RNASEL: variants seen among roughly 807,000 people sequenced by gnomAD.
RNASEL encodes 2-5A-dependent ribonuclease.
Under a neutral mutation model 50.9 loss-of-function variants are expected in RNASEL, and 36 were observed. That is an observed-to-expected ratio of 0.71 (90% CI 0.54 to 0.93). RNASEL has a LOEUF of 0.93. Ranked by LOEUF, RNASEL falls within the 40% of genes least tolerant of loss-of-function variation. RNASEL has a pLI of 0.00. For missense variants in RNASEL, 860 were observed against 894.5 expected (o/e 0.96, Z 0.49); for synonymous variants, 335 against 335.6 (o/e 1.00, Z 0.02).
In RNASEL at chr1:182,574,911, T is replaced by G. The variant is rs538205338; in HGVS notation, c.*481A>C. ...CTCATCTGGAAGAGCCCTGGAAGGA[T>G]AGTTAAGTTTTAAGGTGCCCAAATG... On this transcript the variant is annotated 3_prime_UTR_variant, in exon 7 of 7. Coordinates refer to ENST00000367559, the MANE Select transcript of RNASEL (RefSeq NM_021133.4). 3 of 249,714 alleles carry G rather than the reference T, an allele frequency of 1.2e-5. No homozygotes were observed. Among genetic ancestry groups the G allele is most frequent in the Non-Finnish European group, 2.3e-5 (3 of 128,256 alleles). The allele number at this position is 249,714 out of a possible 1,614,324, so 15.5% of individuals were successfully genotyped here.
chr1:182,586,926 G>A lies in RNASEL; in HGVS notation c.-120C>T. On this transcript the variant is annotated 5_prime_UTR_variant, in exon 2 of 7. Transcript: ENST00000367559. Reference sequence around the variant, plus strand: ...ATTGGGATTCTCTGGCAACAGAGCAGCAGTATGAAGAAGGAACAATGTTCT... The same window carrying A: ...ATTGGGATTCTCTGGCAACAGAGCAACAGTATGAAGAAGGAACAATGTTCT... The A allele has an allele frequency of 7.7e-7, 1 of 1,295,114 alleles. No homozygotes were observed. The allele number at this position is 1,295,114 out of a possible 1,614,324, so 80.2% of individuals were successfully genotyped here. A position where few individuals can be genotyped will look rare whatever the true frequency, so the allele number is the denominator to read the frequency against.
rs764456472 is a variant in RNASEL, at chr1:182,585,546, A to G, written c.1261T>C (p.Tyr421His). 1.2e-6 allele frequency: 2 copies of G among 1,614,198 alleles called. No individual in the cohort carries two copies. The highest frequency in any genetic ancestry group is 1.7e-6 in the Non-Finnish European group (2 of 1,180,032). ...SRENSHLVTFYGSESHRGHLF... is the reference protein window; with the variant it reads ...SRENSHLVTFHGSESHRGHLF... ...TGGCCCCTGTGGCTCTCACTCCCATAGAATGTCACCAAGTGACTGTTCTCT... is the reference window on the plus strand; with the variant it reads ...TGGCCCCTGTGGCTCTCACTCCCATGGAATGTCACCAAGTGACTGTTCTCT... Residue 421 changes from tyrosine (Y) to histidine (H), a missense_variant, in exon 2 of 7, where the codon TAT (tyrosine) becomes CAT (histidine). Tyr to His is a moderately conservative substitution (Grantham distance 83). Transcript: ENST00000367559.
At chr1:182,584,599 A>G (rs1661557282) in intron 2 of RNASEL, among the ~76,000 whole-genome samples, 1 of 152,142 alleles carries the variant, frequency 6.6e-6, no homozygotes, top group Non-Finnish European at 1.5e-5. Flanking sequence ...GATGTACCAA[A>G]TGACTTACTA....
chr1:182,583,361 A>G (rs1006157406), intron 3 of RNASEL, among the ~76,000 whole-genome samples: 4 of 152,234 alleles, frequency 2.6e-5, no homozygotes, highest in African/African-American at 7.2e-5. Context: ...GCCATGGCCT[A>G]CAGGGGAGTC....
intron 4 of RNASEL, 80 bp from the exon 5 acceptor site, chr1:182,581,437 A>G: frequency 1.1e-5 from 10 of 925,070 alleles, no homozygotes; most frequent in Non-Finnish European, 1.2e-5. Flanking sequence ...AAACCGTTAG[A>G]TTTTGGTGTT....
At chr1:182,579,518 T>C (rs1477064822) in intron 5 of RNASEL, 3 of 1,098,034 alleles carry the variant, frequency 2.7e-6, no homozygotes, top group East Asian at 1.8e-4. Flanking sequence ...CAAGCACGTA[T>C]GTGTGGCAGG....
At chr1:182,587,443 CTTAT>C (rs1305271112) in intron 1 of RNASEL, among the ~76,000 whole-genome samples, 2 of 151,762 alleles carry the variant, frequency 1.3e-5, no homozygotes, top group African/African-American at 4.8e-5. Flanking sequence ...GCAAATTCAG[CTTAT>C]TTTAGTTTAT....
intron 5 of RNASEL, among the ~76,000 whole-genome samples, chr1:182,577,891 A>T (rs967399885): frequency 6.6e-6 from 1 of 152,160 alleles, no homozygotes; most frequent in South Asian, 2.1e-4. Context: ...GGAAAAAGAC[A>T]CCCTATTCAG....
rs1452923355 is a variant in RNASEL, at chr1:182,586,330, C to T, written c.477G>A (p.Glu159=). Residue 159 remains glutamate, a synonymous_variant, in exon 2 of 7, where the codon GAG becomes GAA. Coordinates refer to ENST00000367559, the MANE Select transcript of RNASEL (RefSeq NM_021133.4). ...CTCCTTTCCTCAGCCGCTCTTGATC[C>T]TCCTTTGTCTTTCGCCTCAAATTCA... is the stretch of plus-strand genomic sequence containing the variant. ...ANVNLRRKTK[E]DQERLRKGGA... is the part of the protein sequence containing the mutation. 5.6e-6 allele frequency: 9 copies of T among 1,614,196 alleles called. No homozygotes were observed. The highest frequency in any genetic ancestry group is 3.3e-5 in the South Asian group (3 of 91,090).
At chr1:182,579,215 A>G in intron 5 of RNASEL, 8 of 982,308 alleles carry the variant, frequency 8.1e-6, no homozygotes, top group Non-Finnish European at 9.7e-6. Flanking sequence ...AGTACCCTCT[A>G]AAATTTATAT....
chr1:182,582,278 C>G lies in RNASEL; in HGVS notation c.1567-20G>C. On this transcript the variant is annotated intron_variant, in intron 3 of 6. Coordinates refer to ENST00000367559, the MANE Select transcript of RNASEL (RefSeq NM_021133.4). ...AAGGTCCTGCACAAAAGCCATAAAT[C>G]AAGCCAAAGATGCTTACTAATTATT... 6.2e-7 allele frequency: 1 copy of G among 1,613,918 alleles called. No homozygotes were observed. The highest frequency in any genetic ancestry group is 8.5e-7 in the Non-Finnish European group (1 of 1,179,832).
chr1:182,576,335 A>T lies in RNASEL; in HGVS notation c.1960T>A (p.Phe654Ile). Residue 654 changes from phenylalanine (F) to isoleucine (I), a missense_variant, in exon 6 of 7, where the codon TTC (phenylalanine) becomes ATC (isoleucine). By Grantham distance (21) the Phe-to-Ile change is conservative (BLOSUM62 0). Coordinates refer to ENST00000367559, the MANE Select transcript of RNASEL (RefSeq NM_021133.4). The part of the protein sequence containing the change: ...MNKFYEKRGN[F>I]YQNTVGDLLK... ...AGATCACCCACAGTGTTCTGGTAGA[A>T]ATTGCCTCTTTTTTCATAAAACTTA... is the stretch of plus-strand genomic sequence containing the variant. 1 of 1,608,200 alleles carries T rather than the reference A, an allele frequency of 6.2e-7. No individual in the cohort carries two copies. Among genetic ancestry groups the T allele is most frequent in the Non-Finnish European group, 8.5e-7 (1 of 1,175,300 alleles).
chr1:182,582,170 T>C lies in RNASEL; in HGVS notation c.1655A>G (p.Gln552Arg). ...CTTAGTTTCCTCATCTGGAGAAAGT[T>C]GAACCACCTCTTCATTACTTTGAGC... ...LKAQSNEEVVQLSPDEETKDL... is the reference protein window; with the variant it reads ...LKAQSNEEVVRLSPDEETKDL... The change falls in exon 4 of 7, where the codon CAA (glutamine) becomes CGA (arginine). Residue 552 changes from glutamine (Q) to arginine (R), a missense_variant. Gln to Arg is a conservative substitution (Grantham distance 43, BLOSUM62 1). Transcript: ENST00000367559. The C allele has an allele frequency of 6.2e-7, 1 of 1,614,234 alleles. No homozygotes were observed. Among genetic ancestry groups the C allele is most frequent in the East Asian group, 2.2e-5 (1 of 44,884 alleles).
intron 3 of RNASEL, among the ~76,000 whole-genome samples, chr1:182,582,763 C>T (rs1178629114): frequency 6.6e-6 from 1 of 152,156 alleles, no homozygotes; most frequent in Non-Finnish European, 1.5e-5. Flanking sequence ...GCACTAGCCA[C>T]CAGTCAAGGA....
chr1:182,575,655 A>G (rs1367214107), intron 6 of RNASEL, 77 bp from the exon 7 acceptor site: 2 of 1,560,184 alleles, frequency 1.3e-6, no homozygotes, highest in African/African-American at 1.4e-5. Flanking sequence ...GGCCCTGAAG[A>G]TCTCTTTGCT....
chr1:182,586,857 C>A lies in RNASEL; in HGVS notation c.-51G>T, dbSNP rs776033314. Reference sequence around the variant, plus strand: ...TTTTAGCCTTTTCCTTGAGAAAATGCAAATTTATCTCCTAGCACTTAATCA... The same window carrying A: ...TTTTAGCCTTTTCCTTGAGAAAATGAAAATTTATCTCCTAGCACTTAATCA... On this transcript the variant is annotated 5_prime_UTR_variant, in exon 2 of 7. Coordinates refer to ENST00000367559, the MANE Select transcript of RNASEL (RefSeq NM_021133.4). 3 of 1,610,702 alleles carry A rather than the reference C, an allele frequency of 1.9e-6. No individual in the cohort carries two copies. Among genetic ancestry groups the A allele is most frequent in the Non-Finnish European group, 8.5e-7 (1 of 1,178,698 alleles).
At chr1:182,579,894 G>T (rs368544986) in intron 5 of RNASEL, 6 of 481,490 alleles carry the variant, frequency 1.2e-5, no homozygotes, top group African/African-American at 1.2e-4. Context: ...ATGTAGTGGT[G>T]TGGCTTAAGC....
chr1:182,582,216 T>C lies in RNASEL; in HGVS notation c.1609A>G (p.Ile537Val), dbSNP rs146365994. ...TGAGCTTTCAGATCCTCAAATGAGA[T>C]GCTTCCCTTCTTTACCACATAGAGG... ...LVLYVVKKGS[I>V]SFEDLKAQSN... Residue 537 changes from isoleucine (I) to valine (V), a missense_variant, in exon 4 of 7, where the codon ATC becomes GTC. By Grantham distance (29) the Ile-to-Val change is conservative. Transcript: ENST00000367559. The C allele has an allele frequency of 5.6e-5, 90 of 1,614,046 alleles. No individual in the cohort carries two copies. Among genetic ancestry groups the C allele is most frequent in the Non-Finnish European group, 7.5e-5 (88 of 1,180,020 alleles).
rs1396986656 is a variant in RNASEL at position 182,574,557 on chromosome 1, T to G, written c.*835A>C. 3 of 232,520 alleles carry G rather than the reference T, an allele frequency of 1.3e-5. No individual in the cohort carries two copies. Among genetic ancestry groups the G allele is most frequent in the Non-Finnish European group, 2.5e-5 (3 of 117,758 alleles). The allele number at this position is 232,520 out of a possible 1,614,324, so 14.4% of individuals were successfully genotyped here. A position where few individuals can be genotyped will look rare whatever the true frequency, so the allele number is the denominator to read the frequency against. On this transcript the variant is annotated 3_prime_UTR_variant, in exon 7 of 7. Transcript: ENST00000367559. Reference sequence around the variant, plus strand: ...CAGGTTTTCTCAACCTCAGCACCATTGATATTTTTGTCTGGATAATTCTTT... The same window carrying G: ...CAGGTTTTCTCAACCTCAGCACCATGGATATTTTTGTCTGGATAATTCTTT...
Sources: allele counts gnomAD v4.1 joint callset (sites outside exome capture counted in the v4.1 genomes callset), GRCh38; gene constraint gnomAD v4.1.1; transcripts MANE v1.5; gene names NCBI Gene and HGNC (gene_info 2026-07-23, HGNC 2026-07-21).